Variants in LHX1 observed in about 807,000 individuals in gnomAD.
LHX1 encodes LIM/homeobox protein Lhx1.
In LHX1, 9 loss-of-function variants were observed where a neutral mutation model predicts 34.1. The ratio of observed to expected loss-of-function variants is 0.26; its 90% CI spans 0.16 to 0.46. The LOEUF is 0.46. LHX1 is among the 20% of genes least tolerant of loss of function. LHX1 has a pLI of 1.00. For missense variants in LHX1, 446 were observed against 559.1 expected (o/e 0.80, Z 2.04); for synonymous variants, 254 against 241.5 (o/e 1.05, Z -0.48).
At chr17:36,941,186 T>C (rs1026374739) in intron 3 of LHX1, 1 of 674,056 alleles carries the variant, frequency 1.5e-6, no homozygotes, top group Middle Eastern at 2.4e-4. Context: ...TGGGGAGCCC[T>C]CTTTCTGCAC....
intron 1 of LHX1, 192 bp downstream of exon 1, chr17:36,938,559 C>T (rs968073968): frequency 5.9e-6 from 4 of 680,716 alleles, no homozygotes; most frequent in Non-Finnish European, 1.1e-5. Context: ...CTGCTTGCAT[C>T]CTGGAAACTA....
At chr17:36,941,080 C>A in intron 3 of LHX1, 193 bp downstream of exon 3, 1 of 878,052 alleles carries the variant, frequency 1.1e-6, no homozygotes, top group Non-Finnish European at 1.8e-6. Flanking sequence ...AAGTCCTCTT[C>A]CCAGCCCAAC....
At position 36,943,197 on chromosome 17, in the gene LHX1, G is replaced by GAAAAA; in HGVS notation, c.*73_*77dup. 46 of 1,303,482 alleles carry GAAAAA rather than the reference G, an allele frequency of 3.5e-5. No homozygotes were observed. Among genetic ancestry groups the GAAAAA allele is most frequent in the South Asian group, 1.0e-4 (7 of 69,248 alleles). The allele number at this position is 1,303,482 out of a possible 1,614,324, so 80.7% of individuals were successfully genotyped here. On this transcript the variant is annotated 3_prime_UTR_variant, in exon 5 of 5. Coordinates refer to ENST00000614239, the MANE Select transcript of LHX1 (RefSeq NM_005568.5). ...AATGAACCTTTATTTAAGAAAAATA[G>GAAAAA]AAAAAAAAAAACATAAAAAGCAAGT...
At chr17:36,940,063 T>C in intron 1 of LHX1, 1 of 602,510 alleles carries the variant, frequency 1.7e-6, no homozygotes, top group Non-Finnish European at 3.0e-6. Context: ...CCCTAACTCT[T>C]CCCTGGTGCC....
intron 1 of LHX1, chr17:36,940,009 T>C (rs1295812055): frequency 1.0e-5 from 6 of 583,418 alleles, no homozygotes; most frequent in South Asian, 4.1e-5. Flanking sequence ...GGCTGGGGCT[T>C]GGCGGGTAGC....
Position 36,937,635 on chromosome 17 carries a change from CT to C in LHX1, c.-557del, listed in dbSNP as rs1340022568. The stretch of plus-strand genomic sequence containing the variant: ...TCTGCTCCTTTTGTTCTTTCCTTCC[CT>C]TTTTTAAAAAAAGAGGGGGGAAATC... On this transcript the variant is annotated 5_prime_UTR_variant, in exon 1 of 5. Coordinates refer to ENST00000614239, the MANE Select transcript of LHX1 (RefSeq NM_005568.5). The C allele has an allele frequency of 5.9e-6, 2 of 339,394 alleles. No individual in the cohort carries two copies. Among genetic ancestry groups the C allele is most frequent in the Non-Finnish European group, 1.2e-5 (2 of 172,378 alleles). The allele number at this position is 339,394 out of a possible 1,614,324, so 21.0% of individuals were successfully genotyped here.
Position 36,943,454 on chromosome 17 carries a change from G to C in LHX1, c.*323G>C, listed in dbSNP as rs1204555545. ...GCGGGCGTGTGCGCCTGGCAGGCGG[G>C]CGGCGAAAAGACGTCCAGGGCAGCC... On this transcript the variant is annotated 3_prime_UTR_variant, in exon 5 of 5. Transcript: ENST00000614239. 3.3e-6 allele frequency: 1 copy of C among 305,848 alleles called. No individual in the cohort carries two copies. The allele number at this position is 305,848 out of a possible 1,614,324, so 18.9% of individuals were successfully genotyped here. A position where few individuals can be genotyped will look rare whatever the true frequency, so the allele number is the denominator to read the frequency against.
Position 36,937,895 on chromosome 17 carries a change from C to T in LHX1, c.-303C>T. The stretch of plus-strand genomic sequence containing the variant: ...CTCCGCGGGCTCTGAGCAGAAGGGT[C>T]GCATTCTCTCCCGCCTGAGACTTCT... On this transcript the variant is annotated 5_prime_UTR_variant, in exon 1 of 5. Coordinates refer to ENST00000614239, the MANE Select transcript of LHX1 (RefSeq NM_005568.5). The T allele has an allele frequency of 1.7e-6, 1 of 596,762 alleles. No homozygotes were observed. The allele number at this position is 596,762 out of a possible 1,614,324, so 37.0% of individuals were successfully genotyped here.
chr17:36,938,513 C>T lies in LHX1; in HGVS notation c.170+146C>T, dbSNP rs2070744210. 4 of 807,168 alleles carry T rather than the reference C, an allele frequency of 5.0e-6. No individual in the cohort carries two copies. In the African/African-American group the frequency reaches 6.8e-5, roughly 14 times the overall value. 50.0% of individuals were successfully genotyped at this position (807,168 alleles called of 1,614,324 possible). On this transcript the variant is annotated intron_variant, in intron 1 of 4. Transcript: ENST00000614239. Reference sequence around the variant, plus strand: ...CCAAGTCCCGCGGGCGCCCGCCTCTCCGCCAGCTGGCGCGCTGGGAGCCCG... The same window carrying T: ...CCAAGTCCCGCGGGCGCCCGCCTCTTCGCCAGCTGGCGCGCTGGGAGCCCG...
intron 4 of LHX1, 144 bp downstream of exon 4, chr17:36,942,509 G>C (rs1365743313): frequency 1.0e-6 from 1 of 985,398 alleles, no homozygotes; most frequent in African/African-American, 1.7e-5. Flanking sequence ...AGTAAATCAA[G>C]GGGAGGCGGC....
chr17:36,937,685 C>G lies in LHX1; in HGVS notation c.-513C>G, dbSNP rs1222944014. 7.6e-6 allele frequency: 3 copies of G among 392,788 alleles called. No homozygotes were observed. The highest frequency in any genetic ancestry group is 1.0e-5 in the Non-Finnish European group (2 of 195,424). The allele number at this position is 392,788 out of a possible 1,614,324, so 24.3% of individuals were successfully genotyped here. A position where few individuals can be genotyped will look rare whatever the true frequency, so the allele number is the denominator to read the frequency against. The stretch of plus-strand genomic sequence containing the variant: ...TCCCAGTGGTGGGCAGCCTGGCACG[C>G]ACACAGTCGCCCTCATACCCCGACA... On this transcript the variant is annotated 5_prime_UTR_variant, in exon 1 of 5. Transcript: ENST00000614239.
At chr17:36,942,543 C>T (rs1044461759) in intron 4 of LHX1, among the ~76,000 whole-genome samples, 178 bp downstream of exon 4, 2 of 152,216 alleles carry the variant, frequency 1.3e-5, no homozygotes, top group African/African-American at 2.4e-5. Context: ...CAATTCACGG[C>T]CCTGAATAAC....
In LHX1 at chr17:36,940,632, T is replaced by C. The variant is rs1172160671; in HGVS notation, c.420T>C (p.Ser140=). 2 of 1,613,666 alleles carry C rather than the reference T, an allele frequency of 1.2e-6. No homozygotes were observed. Among genetic ancestry groups the C allele is most frequent in the South Asian group, 1.1e-5 (1 of 91,086 alleles). The change falls in exon 3 of 5, where the codon AGT becomes AGC. Residue 140 remains serine (S), a synonymous_variant. Transcript: ENST00000614239. ...LHSATTGSDP[S]LSPDSQDPSQ... ...TAGCCACCACGGGCAGTGACCCCAG[T>C]TTGTCTCCGGATTCCCAAGACCCGT...
Position 36,942,968 on chromosome 17 carries a change from ACTCGCCCAGCCC to A in LHX1, c.1060_1071del (p.Ser354_Pro357del). The A allele has an allele frequency of 6.2e-7, 1 of 1,609,126 alleles. No homozygotes were observed. Among genetic ancestry groups the A allele is most frequent in the Non-Finnish European group, 8.5e-7 (1 of 1,178,756 alleles). ...GACATCCTGGCGCACCCACCCGGGG[ACTCGCCCAGCCC>A]CGAGCCCAGCCTGCCCGGGCCTCTG... On this transcript the variant is annotated inframe_deletion, in exon 5 of 5. Transcript: ENST00000614239.
At position 36,940,286 on chromosome 17, in the gene LHX1, G is replaced by T. The variant is rs557183206; in HGVS notation, c.171-4G>T. 7.3e-6 allele frequency: 1 copy of T among 137,406 alleles called. No individual in the cohort carries two copies. The highest frequency in any genetic ancestry group is 1.1e-5 in the Non-Finnish European group (1 of 91,148). 8.5% of individuals were successfully genotyped at this position (137,406 alleles called of 1,614,324 possible). Reference sequence around the variant, plus strand: ...CCCCGCCCCCCACCCCCACCCCCCCGCAGGTGTTTCGGTACCAAATGCGCA... The same window carrying T: ...CCCCGCCCCCCACCCCCACCCCCCCTCAGGTGTTTCGGTACCAAATGCGCA... On this transcript the variant is annotated splice_polypyrimidine_tract_variant and splice_region_variant and intron_variant, in intron 1 of 4. Coordinates refer to ENST00000614239, the MANE Select transcript of LHX1 (RefSeq NM_005568.5).
chr17:36,942,830 C>A lies in LHX1; in HGVS notation c.920C>A (p.Thr307Lys). ...PQGPPSSQAQ[T>K]PVDLPFVPSS... is the part of the protein sequence containing the mutation. ...GGCCCCCCGTCCTCGCAGGCCCAGA[C>A]ACCAGTGGACCTACCCTTCGTGCCG... Residue 307 changes from threonine (T) to lysine (K), a missense_variant, in exon 5 of 5, where the codon ACA becomes AAA. Physicochemically the swap from Thr to Lys is moderately conservative, Grantham distance 78. Transcript: ENST00000614239. The A allele has an allele frequency of 6.4e-7, 1 of 1,573,930 alleles. No individual in the cohort carries two copies. The highest frequency in any genetic ancestry group is 8.7e-7 in the Non-Finnish European group (1 of 1,155,200).
rs1288298885 is a variant in LHX1, at chr17:36,942,884, G to A, written c.974G>A (p.Gly325Asp). 6.3e-7 allele frequency: 1 copy of A among 1,594,874 alleles called. No homozygotes were observed. The highest frequency in any genetic ancestry group is 1.7e-5 in the Admixed American group (1 of 57,562). Residue 325 changes from glycine (G) to aspartate (D), a missense_variant, in exon 5 of 5, where the codon GGT (glycine) becomes GAT (aspartate). By Grantham distance (94) the Gly-to-Asp change is moderately conservative. This residue lies in a region of LHX1 where 235 missense variants were observed against 224.4 expected (regional missense o/e 1.05). Coordinates refer to ENST00000614239, the MANE Select transcript of LHX1 (RefSeq NM_005568.5). Reference protein sequence around the residue: ...PSSGPSGTPLGGLEHPLPGHH... With the variant: ...PSSGPSGTPLDGLEHPLPGHH... ...TCTGGGCCGTCCGGGACGCCCCTGG[G>A]TGGCCTGGAGCACCCGCTGCCGGGC...
In LHX1 at chr17:36,944,244, C is replaced by A. The variant is rs1479261347; in HGVS notation, c.*1113C>A. The A allele has an allele frequency of 1.4e-5, 2 of 146,192 alleles. No homozygotes were observed. Among genetic ancestry groups the A allele is most frequent in the Non-Finnish European group, 1.5e-5 (1 of 67,362 alleles). 9.1% of individuals were successfully genotyped at this position (146,192 alleles called of 1,614,324 possible). ...ACAAATACTGTAAAGGTGCCTGGCA[C>A]CAGCAACCTGAGAAAGTGTTAAAAA... On this transcript the variant is annotated 3_prime_UTR_variant, in exon 5 of 5. Transcript: ENST00000614239.
intron 3 of LHX1, 127 bp from the exon 4 acceptor site, chr17:36,942,073 A>C (rs2070768327): frequency 2.2e-6 from 2 of 907,764 alleles, no homozygotes; most frequent in East Asian, 2.6e-5. Flanking sequence ...ACTACCCTAC[A>C]CACACACACA....
Sources: gnomAD v4.1 joint callset for allele counts (sites outside exome capture counted in the v4.1 genomes callset) on GRCh38, gnomAD v4.1.1 for gene constraint, gnomAD v4.1.1 regional missense constraint, MANE v1.5 for transcripts, NCBI Gene and HGNC (gene_info 2026-07-23, HGNC 2026-07-21) for gene names.